The following ST6GALNAC3 variants were observed in gnomAD, a reference collection of about 807,000 sequenced individuals.
ST6GALNAC3 encodes the protein alpha-N-acetylgalactosaminide alpha-2,6-sialyltransferase 3.
In ST6GALNAC3, 25 loss-of-function variants were observed where a neutral mutation model predicts 32.7. That is an observed-to-expected ratio of 0.76 (90% CI 0.56 to 1.07). The LOEUF (loss-of-function observed/expected upper bound fraction) is 1.07. Among genes scored for constraint, ST6GALNAC3 ranks in the 50% least tolerant of loss-of-function variants. The pLI, the probability that ST6GALNAC3 is intolerant of heterozygous loss-of-function variation, is 0.00. For synonymous variants in ST6GALNAC3, 129 were observed against 133.1 expected, an observed-to-expected ratio of 0.97 and a Z score of 0.21; for missense variants, 355 against 382.4, an observed-to-expected ratio of 0.93 and a Z score of 0.60.
At chr1:76,609,616 G>A (rs1647787855) in intron 3 of ST6GALNAC3, among the ~76,000 whole-genome samples, 1 of 152,028 alleles carries the variant, frequency 6.6e-6, no homozygotes, top group African/African-American at 2.4e-5. Context: ...AAAAATTGGG[G>A]GTGGGGAGAT....
chr1:76,230,683 A>G (rs920151358), intron 1 of ST6GALNAC3, among the ~76,000 whole-genome samples: 2 of 152,210 alleles, frequency 1.3e-5, no homozygotes, highest in African/African-American at 4.8e-5. Flanking sequence ...TAGTTGTGAA[A>G]TATAGACTCC....
chr1:76,432,969 A>G (rs6593538), intron 3 of ST6GALNAC3, among the ~76,000 whole-genome samples: 111,320 of 151,910 alleles, frequency 0.73, 41,319 homozygotes, highest in Non-Finnish European at 0.79. Flanking sequence ...CATTATGTTG[A>G]TTTCTCCTTG....
chr1:76,297,973 GA>G (rs200305309), intron 1 of ST6GALNAC3, among the ~76,000 whole-genome samples: 15 of 150,512 alleles, frequency 1.0e-4, no homozygotes, highest in Admixed American at 2.6e-4. Context: ...GTTTTGTACA[GA>G]AAAAAAAACT....
At chr1:76,548,481 A>G (rs906737757) in intron 3 of ST6GALNAC3, among the ~76,000 whole-genome samples, 1 of 152,072 alleles carries the variant, frequency 6.6e-6, no homozygotes, top group African/African-American at 2.4e-5. Context: ...ATTTCAATAT[A>G]TATGCTTCAC....
chr1:76,239,781 A>G (rs1656866643), intron 1 of ST6GALNAC3, among the ~76,000 whole-genome samples: 1 of 152,220 alleles, frequency 6.6e-6, no homozygotes, highest in East Asian at 1.9e-4. Flanking sequence ...ACTGAATTAT[A>G]TGGTACGGAA....
chr1:76,254,599 C>T (rs966676061), intron 1 of ST6GALNAC3, among the ~76,000 whole-genome samples: 43 of 152,054 alleles, frequency 2.8e-4, no homozygotes, highest in African/African-American at 9.7e-4. Context: ...CAGGTTCAAC[C>T]TCCTGCAAAA....
At chr1:76,507,297 A>T (rs558175584) in intron 3 of ST6GALNAC3, among the ~76,000 whole-genome samples, 1 of 152,250 alleles carries the variant, frequency 6.6e-6, no homozygotes, top group South Asian at 2.1e-4. Context: ...TATAATTCAC[A>T]TGCTATATAA....
At chr1:76,329,319 A>T (rs1054733521) in intron 2 of ST6GALNAC3, among the ~76,000 whole-genome samples, 1 of 152,176 alleles carries the variant, frequency 6.6e-6, no homozygotes, top group Non-Finnish European at 1.5e-5. Flanking sequence ...TTTTCAATGC[A>T]TCCTGCCCCC....
intron 1 of ST6GALNAC3, among the ~76,000 whole-genome samples, chr1:76,294,501 G>A (rs1419119103): frequency 5.9e-5 from 9 of 152,062 alleles, no homozygotes; most frequent in Admixed American, 5.2e-4. Context: ...CATAGTGGTA[G>A]GCTTACAGAA....
At chr1:76,487,888 G>A (rs555478947) in intron 3 of ST6GALNAC3, among the ~76,000 whole-genome samples, 3 of 152,240 alleles carry the variant, frequency 2.0e-5, no homozygotes, top group African/African-American at 7.2e-5. Flanking sequence ...TGATGGTGAT[G>A]TACAGATGGG....
chr1:76,505,547 C>G (rs74089983), intron 3 of ST6GALNAC3, among the ~76,000 whole-genome samples: 10,513 of 152,230 alleles, frequency 0.069, 1,222 homozygotes, highest in African/African-American at 0.24. Flanking sequence ...TTATAAATAG[C>G]TCCAAGCAAA....
chr1:76,158,239 T>A (rs1366415147), intron 1 of ST6GALNAC3, among the ~76,000 whole-genome samples: 1 of 152,234 alleles, frequency 6.6e-6, no homozygotes, highest in East Asian at 1.9e-4. Context: ...CAGGTGGTTT[T>A]ACTTTTTTTT....
intron 3 of ST6GALNAC3, among the ~76,000 whole-genome samples, chr1:76,456,313 T>G (rs1040231252): frequency 6.6e-6 from 1 of 152,304 alleles, no homozygotes; most frequent in Middle Eastern, 3.4e-3. Flanking sequence ...CAGATTTATA[T>G]GGTCTCTTTT....
At chr1:76,313,306 A>C (rs1646803211) in intron 1 of ST6GALNAC3, among the ~76,000 whole-genome samples, 3 of 152,186 alleles carry the variant, frequency 2.0e-5, no homozygotes, top group African/African-American at 7.2e-5. Context: ...GACACAGTAC[A>C]TTCCAGTTCT....
At chr1:76,286,064 G>A (rs1276755322) in intron 1 of ST6GALNAC3, among the ~76,000 whole-genome samples, 1 of 152,192 alleles carries the variant, frequency 6.6e-6, no homozygotes, top group African/African-American at 2.4e-5. Flanking sequence ...CTGGAAGGAG[G>A]CAGCCATCAG....
At chr1:76,407,245 A>G (rs1653899813) in intron 2 of ST6GALNAC3, among the ~76,000 whole-genome samples, 1 of 152,060 alleles carries the variant, frequency 6.6e-6, no homozygotes. Flanking sequence ...GATTAAGTTC[A>G]CACTGATTAG....
intron 1 of ST6GALNAC3, among the ~76,000 whole-genome samples, chr1:76,286,535 T>C (rs1368753579): frequency 2.0e-5 from 3 of 152,206 alleles, no homozygotes; most frequent in Non-Finnish European, 4.4e-5. Context: ...TATTTTTCCA[T>C]GTTCCTGGAT....
chr1:76,540,337 C>A (rs939583672), intron 3 of ST6GALNAC3, among the ~76,000 whole-genome samples: 13 of 152,032 alleles, frequency 8.6e-5, no homozygotes, highest in Non-Finnish European at 1.5e-4. Context: ...AGGGGAACAA[C>A]ACACACTAGG....
At chr1:76,576,809 T>C (rs1406116088) in intron 3 of ST6GALNAC3, 2 of 1,300,278 alleles carry the variant, frequency 1.5e-6, no homozygotes, top group South Asian at 1.2e-5. Flanking sequence ...TAACTAATTT[T>C]CTTCTGCCAT....
Sources: allele counts gnomAD v4.1 joint callset (sites outside exome capture counted in the v4.1 genomes callset), GRCh38; gene constraint gnomAD v4.1.1; transcripts MANE v1.5; gene names NCBI Gene and HGNC (gene_info 2026-07-23, HGNC 2026-07-21).